Variants in DHX36 observed in about 807,000 individuals in gnomAD.
DHX36 encodes ATP-dependent DNA/RNA helicase DHX36.
DHX36 carries 50 observed loss-of-function variants against 139.0 expected under a neutral mutation model. The observed-to-expected ratio is 0.36, with a 90% confidence interval of 0.29 to 0.46. The LOEUF (loss-of-function observed/expected upper bound fraction) is 0.46, where lower values mean the gene tolerates loss of function less well. Ranked by LOEUF, DHX36 falls within the 20% of genes least tolerant of loss-of-function variation. The pLI, the probability that DHX36 is intolerant of heterozygous loss-of-function variation, is 1.00. For missense variants in DHX36, 1,024 were observed against 1,211.3 expected, an observed-to-expected ratio of 0.85 and a Z score of 2.29; for synonymous variants, 425 against 401.9, an observed-to-expected ratio of 1.06 and a Z score of -0.69.
chr3:154,303,267 G>C (rs1712370476), intron 9 of DHX36, 62 bp downstream of exon 9: 11 of 1,203,876 alleles, frequency 9.1e-6, no homozygotes, highest in Non-Finnish European at 1.3e-5. Context: ...ACTAAAGTTT[G>C]ACATGAGAAA....
intron 8 of DHX36, among the ~76,000 whole-genome samples, 191 bp from the exon 9 acceptor site, chr3:154,303,601 C>T (rs1712384104): frequency 2.0e-5 from 3 of 152,182 alleles, no homozygotes; most frequent in Non-Finnish European, 1.5e-5. Flanking sequence ...CACTCAATAC[C>T]ATTTTACTGC....
At chr3:154,299,451 TGAG>T (rs1450468611) in intron 12 of DHX36, among the ~76,000 whole-genome samples, 1 of 152,160 alleles carries the variant, frequency 6.6e-6, no homozygotes, top group Non-Finnish European at 1.5e-5. Flanking sequence ...CAAAATCACT[TGAG>T]GAATTTTTAA....
chr3:154,311,707 G>C (rs1265692063), intron 3 of DHX36, 33 bp from the exon 4 acceptor site: 1 of 1,535,522 alleles, frequency 6.5e-7, no homozygotes, highest in Non-Finnish European at 8.9e-7. Context: ...AATTTTCACA[G>C]AAGATATGTA....
At chr3:154,300,870 T>A in intron 10 of DHX36, 117 bp downstream of exon 10, 1 of 1,433,264 alleles carries the variant, frequency 7.0e-7, no homozygotes. Context: ...TTAGCTCGAA[T>A]AAGAGACTCA....
Position 154,275,407 on chromosome 3 carries a change from T to A in DHX36, c.*764A>T, listed in dbSNP as rs1176304577. 6.6e-6 allele frequency: 1 copy of A among 152,214 alleles called. No homozygotes were observed. Among genetic ancestry groups the A allele is most frequent in the Non-Finnish European group, 1.5e-5 (1 of 68,034 alleles). The allele number at this position is 152,214 out of a possible 1,614,324, so 9.4% of individuals were successfully genotyped here. A position where few individuals can be genotyped will look rare whatever the true frequency, so the allele number is the denominator to read the frequency against. ...CCAAATATCTTCTATCCACAGTTGTTTGAATCCACAGATGTGGAATGCATG... is the reference window on the plus strand; with the variant it reads ...CCAAATATCTTCTATCCACAGTTGTATGAATCCACAGATGTGGAATGCATG... On this transcript the variant is annotated 3_prime_UTR_variant, in exon 25 of 25. Transcript: ENST00000496811.
intron 1 of DHX36, 25 bp downstream of exon 1, chr3:154,324,149 T>C: frequency 6.3e-7 from 1 of 1,589,448 alleles, no homozygotes; most frequent in Non-Finnish European, 8.6e-7. Flanking sequence ...TGCCTCATCC[T>C]CTCCACTACT....
Position 154,283,373 on chromosome 3 carries a change from T to C in DHX36, c.2293-102A>G, listed in dbSNP as rs574028062. The C allele has an allele frequency of 1.4e-5, 10 of 738,534 alleles. 1 individual carries two copies. In the South Asian group the frequency reaches 1.9e-4, roughly 14 times the overall value. The allele number at this position is 738,534 out of a possible 1,614,324, so 45.7% of individuals were successfully genotyped here. On this transcript the variant is annotated intron_variant, in intron 19 of 24. Transcript: ENST00000496811. ...GTAAAAGCTTAATATTCTACTAATA[T>C]TTAATTTTCTTTGTAAAAAATTCAA...
At chr3:154,299,571 T>C (rs572829589) in intron 12 of DHX36, among the ~76,000 whole-genome samples, 1 of 152,210 alleles carries the variant, frequency 6.6e-6, no homozygotes, top group East Asian at 1.9e-4. Flanking sequence ...TACTCAGAAT[T>C]CAGAAACACT....
intron 12 of DHX36, among the ~76,000 whole-genome samples, chr3:154,297,729 C>G (rs929695783): frequency 6.6e-6 from 1 of 151,254 alleles, no homozygotes; most frequent in African/African-American, 2.4e-5. Flanking sequence ...AAAAAAGTCT[C>G]TAGTTTTTTT....
chr3:154,276,792 C>T lies in DHX36; in HGVS notation c.2796G>A (p.Glu932=), dbSNP rs758737721. ...DNDQETIAVD[E]WIVFQSPARI... is the part of the protein sequence containing the mutation. ...TTGCTGGAGACTGAAATACAATCCACTCATCTACAGCAATAGTTTCCTGAT... is the reference window on the plus strand; with the variant it reads ...TTGCTGGAGACTGAAATACAATCCATTCATCTACAGCAATAGTTTCCTGAT... The change falls in exon 24 of 25, where the codon GAG becomes GAA. Residue 932 remains glutamate, a synonymous_variant. Coordinates refer to ENST00000496811, the MANE Select transcript of DHX36 (RefSeq NM_020865.3). 19 of 1,613,722 alleles carry T rather than the reference C, an allele frequency of 1.2e-5. No homozygotes were observed. Among genetic ancestry groups the T allele is most frequent in the Admixed American group, 1.7e-5 (1 of 59,960 alleles).
At chr3:154,296,065 C>A (rs1380622948) in intron 12 of DHX36, among the ~76,000 whole-genome samples, 3 of 152,186 alleles carry the variant, frequency 2.0e-5, no homozygotes, top group African/African-American at 7.2e-5. Context: ...ATGAGCCCTG[C>A]ACCTGGCAAT....
chr3:154,288,915 G>T lies in DHX36; in HGVS notation c.1982C>A (p.Pro661Gln). The T allele has an allele frequency of 6.3e-7, 1 of 1,592,056 alleles. No individual in the cohort carries two copies. The highest frequency in any genetic ancestry group is 8.6e-7 in the Non-Finnish European group (1 of 1,168,244). Reference sequence around the variant, plus strand: ...GAGTAACACTGCCTCATTTGATGGTGGGTCCATTAATCTACTCAGAAAATA... The same window carrying T: ...GAGTAACACTGCCTCATTTGATGGTTGGTCCATTAATCTACTCAGAAAATA... ...IAYFLSRLMD[P>Q]PSNEAVLLSI... The change falls in exon 17 of 25, where the codon CCA (proline) becomes CAA (glutamine). Residue 661 changes from proline to glutamine, a missense_variant. Physicochemically the swap from Pro to Gln is moderately conservative, Grantham distance 76 (BLOSUM62 -1). Coordinates refer to ENST00000496811, the MANE Select transcript of DHX36 (RefSeq NM_020865.3).
intron 14 of DHX36, 74 bp downstream of exon 14, chr3:154,293,674 T>C (rs1008450729): frequency 3.7e-6 from 4 of 1,078,916 alleles, no homozygotes; most frequent in Non-Finnish European, 5.6e-6. Flanking sequence ...GAAAAAAGAT[T>C]AAGGTATATA....
At chr3:154,286,566 T>A (rs1711559824) in intron 17 of DHX36, among the ~76,000 whole-genome samples, 2 of 151,470 alleles carry the variant, frequency 1.3e-5, no homozygotes, top group African/African-American at 2.4e-5. Context: ...ATCTAAATTT[T>A]AAAAAATCTA....
At chr3:154,286,770 A>G (rs1157192566) in intron 17 of DHX36, among the ~76,000 whole-genome samples, 1 of 147,448 alleles carries the variant, frequency 6.8e-6, no homozygotes, top group East Asian at 1.9e-4. Flanking sequence ...TGGAAAAACA[A>G]ATCACCAAGA....
chr3:154,286,509 C>CTT (rs1309440934), intron 17 of DHX36, among the ~76,000 whole-genome samples: 2 of 150,472 alleles, frequency 1.3e-5, no homozygotes, highest in Admixed American at 6.6e-5. Flanking sequence ...ATACCACTAA[C>CTT]CTAGAAGATT....
chr3:154,299,763 A>G (rs765245397), intron 12 of DHX36, 75 bp downstream of exon 12: 1 of 1,116,762 alleles, frequency 9.0e-7, no homozygotes, highest in Non-Finnish European at 1.4e-6. Context: ...TTCTTTGAAT[A>G]AAAGAAAAAA....
At chr3:154,287,187 CATTT>C (rs1319969912) in intron 17 of DHX36, among the ~76,000 whole-genome samples, 1 of 152,166 alleles carries the variant, frequency 6.6e-6, no homozygotes, top group Non-Finnish European at 1.5e-5. Context: ...CAATGCTCTA[CATTT>C]ATTTATAAAA....
chr3:154,288,031 G>A (rs1229295943), intron 17 of DHX36, among the ~76,000 whole-genome samples: 1 of 151,554 alleles, frequency 6.6e-6, no homozygotes, highest in Non-Finnish European at 1.5e-5. Context: ...AAACTGTTGG[G>A]CGTTATCTAC....
Sources: gnomAD v4.1 joint callset for allele counts (sites outside exome capture counted in the v4.1 genomes callset) on GRCh38, gnomAD v4.1.1 for gene constraint, MANE v1.5 for transcripts, NCBI Gene and HGNC (gene_info 2026-07-23, HGNC 2026-07-21) for gene names.